PRDM16: variants seen among roughly 807,000 people sequenced by gnomAD.
The protein encoded by PRDM16 is histone-lysine N-methyltransferase PRDM16.
A neutral mutation model predicts 110.6 loss-of-function variants in PRDM16; 23 were observed. That is an observed-to-expected ratio of 0.21 (90% CI 0.15 to 0.29). PRDM16 has a LOEUF of 0.29. Among genes scored for constraint, PRDM16 ranks in the 10% least tolerant of loss-of-function variants. The pLI, the probability that PRDM16 is intolerant of heterozygous loss-of-function variation, is 1.00. For missense variants in PRDM16, 1,615 were observed against 1,794.3 expected (o/e 0.90, Z 1.81); for synonymous variants, 799 against 781.8 (o/e 1.02, Z -0.37).
chr1:3,108,370 A>G (rs1642714058), intron 1 of PRDM16, among the ~76,000 whole-genome samples: 1 of 152,178 alleles, frequency 6.6e-6, no homozygotes, highest in Non-Finnish European at 1.5e-5. Context: ...CTGGTGGGTA[A>G]GCTCCATCCC....
intron 3 of PRDM16, among the ~76,000 whole-genome samples, chr1:3,349,563 CG>C (rs1642438186): frequency 6.6e-6 from 1 of 152,172 alleles, no homozygotes; most frequent in Non-Finnish European, 1.5e-5. Flanking sequence ...GTCCTTGTCC[CG>C]GGGCAGCTGA....
intron 2 of PRDM16, among the ~76,000 whole-genome samples, chr1:3,242,144 G>C (rs756885273): frequency 6.6e-6 from 1 of 152,234 alleles, no homozygotes; most frequent in Non-Finnish European, 1.5e-5. Flanking sequence ...CTCTGGGTGG[G>C]TACGTGGGTT....
At chr1:3,321,769 G>C (rs1216699429) in intron 3 of PRDM16, among the ~76,000 whole-genome samples, 1 of 151,296 alleles carries the variant, frequency 6.6e-6, no homozygotes, top group Non-Finnish European at 1.5e-5. Flanking sequence ...GTTTGTGTAT[G>C]TGTGCACGTG....
rs920551970 is a variant in PRDM16 at position 3,436,490 on chromosome 1, C to G, written c.*2679C>G. The G allele has an allele frequency of 8.6e-6, 2 of 231,732 alleles. No individual in the cohort carries two copies. The highest frequency in any genetic ancestry group is 4.4e-5 in the African/African-American group (2 of 45,238). 14.4% of individuals were successfully genotyped at this position (231,732 alleles called of 1,614,324 possible). On this transcript the variant is annotated 3_prime_UTR_variant, in exon 17 of 17. Coordinates refer to ENST00000270722, the MANE Select transcript of PRDM16 (RefSeq NM_022114.4). ...GCCCAGTTTCTCCTGAGCATTCAGA[C>G]CCCCAGGCCCCAGCACTTGGCGTTT...
intron 1 of PRDM16, among the ~76,000 whole-genome samples, chr1:3,072,344 G>A (rs1399892405): frequency 6.6e-6 from 1 of 152,058 alleles, no homozygotes; most frequent in African/African-American, 2.4e-5. Flanking sequence ...GGATGTGCCA[G>A]TCGGCACCCC....
intron 1 of PRDM16, among the ~76,000 whole-genome samples, chr1:3,108,224 C>A (rs1177237542): frequency 6.6e-6 from 1 of 152,202 alleles, no homozygotes; most frequent in Non-Finnish European, 1.5e-5. Flanking sequence ...AAAAATAAAC[C>A]CTTCCCTATT....
intron 1 of PRDM16, among the ~76,000 whole-genome samples, chr1:3,180,957 G>GCC (rs1557507314): frequency 7.8e-5 from 11 of 141,808 alleles, no homozygotes; most frequent in African/African-American, 2.1e-4. Flanking sequence ...TACACACGCA[G>GCC]TCTTACACAC....
chr1:3,247,616 C>T (rs961727170), intron 3 of PRDM16, among the ~76,000 whole-genome samples: 51 of 152,378 alleles, frequency 3.3e-4, no homozygotes, highest in Non-Finnish European at 7.1e-4. Context: ...CGCGTTCCCT[C>T]TGTCTCACAC....
intron 2 of PRDM16, among the ~76,000 whole-genome samples, chr1:3,196,616 A>G (rs1231749748): frequency 6.6e-6 from 1 of 152,168 alleles, no homozygotes; most frequent in Non-Finnish European, 1.5e-5. Context: ...GGGGTTCCTG[A>G]CCCAGATGGT....
At chr1:3,369,075 G>C (rs1642866563) in intron 3 of PRDM16, among the ~76,000 whole-genome samples, 1 of 152,174 alleles carries the variant, frequency 6.6e-6, no homozygotes, top group East Asian at 1.9e-4. Flanking sequence ...TGGCTGGTGA[G>C]GACCTGAAAG....
intron 14 of PRDM16, among the ~76,000 whole-genome samples, chr1:3,429,088 C>T (rs546651932): frequency 7.9e-5 from 12 of 152,352 alleles, no homozygotes; most frequent in African/African-American, 1.9e-4. Context: ...CAAAGAGGGC[C>T]GGCAGCAGCG....
intron 3 of PRDM16, among the ~76,000 whole-genome samples, chr1:3,283,177 G>A (rs940662648): frequency 2.6e-5 from 4 of 152,096 alleles, no homozygotes; most frequent in Non-Finnish European, 4.4e-5. Context: ...CCAGCCCCTC[G>A]TCACCTTCCC....
intron 2 of PRDM16, among the ~76,000 whole-genome samples, chr1:3,205,469 A>G (rs1638733292): frequency 6.6e-6 from 1 of 152,206 alleles, no homozygotes; most frequent in Non-Finnish European, 1.5e-5. Context: ...AGAGAAACCC[A>G]TGAAATACAG....
At chr1:3,416,781 G>C (rs1638276211) in intron 10 of PRDM16, among the ~76,000 whole-genome samples, 1 of 152,230 alleles carries the variant, frequency 6.6e-6, no homozygotes, top group Non-Finnish European at 1.5e-5. Context: ...CAGCAGGCTG[G>C]GTGTGTGGTG....
chr1:3,352,079 G>A (rs1299843540), intron 3 of PRDM16, among the ~76,000 whole-genome samples: 1 of 152,190 alleles, frequency 6.6e-6, no homozygotes, highest in East Asian at 1.9e-4. Context: ...GAATGACTCT[G>A]GGCAGCATGA....
intron 15 of PRDM16, among the ~76,000 whole-genome samples, chr1:3,431,572 G>GGGA (rs973591415): frequency 6.6e-6 from 1 of 152,232 alleles, no homozygotes; most frequent in African/African-American, 2.4e-5. Flanking sequence ...GATGCCCTTG[G>GGGA]GGAGGCCCTT....
intron 2 of PRDM16, among the ~76,000 whole-genome samples, chr1:3,199,436 C>A (rs1638564204): frequency 6.6e-6 from 1 of 152,348 alleles, no homozygotes; most frequent in East Asian, 1.9e-4. Flanking sequence ...TTGGTAACAG[C>A]TCACATGTTC....
chr1:3,357,248 G>A (rs770193613), intron 3 of PRDM16, among the ~76,000 whole-genome samples: 115 of 152,086 alleles, frequency 7.6e-4, no homozygotes, highest in Non-Finnish European at 1.3e-3. Context: ...GGCCATGAAC[G>A]GGGACCTAAC....
intron 2 of PRDM16, among the ~76,000 whole-genome samples, chr1:3,204,669 C>T (rs988292729): frequency 6.6e-6 from 1 of 152,252 alleles, no homozygotes; most frequent in Non-Finnish European, 1.5e-5. Flanking sequence ...GAAGCCAGGC[C>T]GACAGCCTGA....
Sources: gnomAD v4.1 joint callset for allele counts (sites outside exome capture counted in the v4.1 genomes callset) on GRCh38, gnomAD v4.1.1 for gene constraint, MANE v1.5 for transcripts, NCBI Gene and HGNC (gene_info 2026-07-23, HGNC 2026-07-21) for gene names.